Variants in TDRD9 observed in about 807,000 individuals in gnomAD.
TDRD9 encodes the protein ATP-dependent RNA helicase TDRD9.
TDRD9 carries 124 observed loss-of-function variants against 172.6 expected under a neutral mutation model. The observed-to-expected ratio is 0.72, with a 90% CI of 0.62 to 0.83. The LOEUF is 0.83. Among genes scored for constraint, TDRD9 ranks in the 40% least tolerant of loss-of-function variants. TDRD9 has a pLI of 0.00. For synonymous variants in TDRD9, 619 were observed against 617.1 expected (o/e 1.00, Z -0.05); for missense variants, 1,479 against 1,714.1 (o/e 0.86, Z 2.42).
At position 103,941,783 on chromosome 14, in the gene TDRD9, TG is replaced by T. The variant is rs2031252474; in HGVS notation, c.215+13060del. 3 of 1,137,568 alleles carry T rather than the reference TG, an allele frequency of 2.6e-6. No individual in the cohort carries two copies. The African/African-American group carries it at 4.7e-5, about 18-fold the overall frequency. The allele number at this position is 1,137,568 out of a possible 1,614,324, so 70.5% of individuals were successfully genotyped here. On this transcript the variant is annotated intron_variant, in intron 1 of 35. Coordinates refer to ENST00000409874, the MANE Select transcript of TDRD9 (RefSeq NM_153046.3). ...AATATTTGTTTCTTTACAATAAATT[TG>T]CCCGAAAAGTGCACGATTTTTTTTC...
At chr14:104,047,391 A>G (rs991008810) in intron 34 of TDRD9, among the ~76,000 whole-genome samples, 18 of 152,148 alleles carry the variant, frequency 1.2e-4, no homozygotes, top group African/African-American at 4.1e-4. Flanking sequence ...GATTTCCTAC[A>G]TACAAGATCA....
At position 104,040,338 on chromosome 14, in the gene TDRD9, A is replaced by G. The variant is rs1415878399; in HGVS notation, c.3855+4A>G. ...CAGCGTGGAGGATGTCGTCGAGGTA[A>G]GGGTAGTGCAGCATCACGGCACCAC... On this transcript the variant is annotated splice_donor_region_variant and intron_variant, in intron 33 of 35. Transcript: ENST00000409874. The G allele has an allele frequency of 1.3e-6, 2 of 1,544,332 alleles. No homozygotes were observed. Among genetic ancestry groups the G allele is most frequent in the Non-Finnish European group, 1.8e-6 (2 of 1,142,458 alleles).
At chr14:103,960,277 T>C (rs1468258253) in intron 2 of TDRD9, among the ~76,000 whole-genome samples, 1 of 152,224 alleles carries the variant, frequency 6.6e-6, no homozygotes, top group African/African-American at 2.4e-5. Context: ...ATTCCTTACA[T>C]GCTGTTTAGA....
At chr14:104,031,315 T>C in intron 29 of TDRD9, 52 bp downstream of exon 29, 2 of 1,490,388 alleles carry the variant, frequency 1.3e-6, no homozygotes, top group East Asian at 4.9e-5. Context: ...TCATTTTACA[T>C]TTATGTGCTA....
intron 34 of TDRD9, among the ~76,000 whole-genome samples, chr14:104,045,538 G>A (rs2035746628): frequency 6.6e-6 from 1 of 152,070 alleles, no homozygotes; most frequent in African/African-American, 2.4e-5. Flanking sequence ...TTTCACCATT[G>A]TGTAGCTTGT....
chr14:104,042,324 C>A (rs958225326), intron 34 of TDRD9, 137 bp downstream of exon 34: 2 of 634,250 alleles, frequency 3.2e-6, no homozygotes, highest in African/African-American at 1.8e-5. Flanking sequence ...GGAGGCAGCA[C>A]TGGGAGGCAT....
At chr14:103,955,138 G>T (rs2032133975) in intron 1 of TDRD9, among the ~76,000 whole-genome samples, 1 of 151,514 alleles carries the variant, frequency 6.6e-6, no homozygotes, top group Non-Finnish European at 1.5e-5. Flanking sequence ...TGCCCAGGCT[G>T]GTCTCGAACT....
chr14:103,960,191 T>G (rs1329478029), intron 2 of TDRD9, among the ~76,000 whole-genome samples: 1 of 152,238 alleles, frequency 6.6e-6, no homozygotes, highest in Non-Finnish European at 1.5e-5. Flanking sequence ...TAAAATTATT[T>G]TCTGTAATAT....
intron 25 of TDRD9, 145 bp downstream of exon 25, chr14:104,024,825 G>A (rs1262436807): frequency 2.3e-6 from 1 of 439,866 alleles, no homozygotes; most frequent in Non-Finnish European, 4.0e-6. Flanking sequence ...GTTAATGTGG[G>A]TGAGTTTGAA....
intron 1 of TDRD9, among the ~76,000 whole-genome samples, chr14:103,944,969 G>C (rs1484291483): frequency 6.6e-6 from 1 of 152,098 alleles, no homozygotes; most frequent in East Asian, 1.9e-4. Flanking sequence ...TGTCTGCCAG[G>C]GCCTGAATAG....
chr14:103,970,721 G>C, intron 6 of TDRD9, 100 bp downstream of exon 6: 1 of 878,446 alleles, frequency 1.1e-6, no homozygotes, highest in Non-Finnish European at 1.7e-6. Context: ...GAGCATTCTG[G>C]GACCCCGGAC....
At chr14:103,984,222 A>C (rs947898230) in intron 7 of TDRD9, among the ~76,000 whole-genome samples, 1 of 152,380 alleles carries the variant, frequency 6.6e-6, no homozygotes, top group Non-Finnish European at 1.5e-5. Flanking sequence ...AGTTCAAGTC[A>C]GCTGCATAAA....
intron 1 of TDRD9, among the ~76,000 whole-genome samples, chr14:103,933,128 T>G (rs2030513988): frequency 6.6e-6 from 1 of 152,242 alleles, no homozygotes; most frequent in Admixed American, 6.5e-5. Flanking sequence ...TTCCACATGG[T>G]ACTGTATTTT....
rs182617360 is a variant in TDRD9, at chr14:103,952,897, G to A, written c.216-2767G>A. On this transcript the variant is annotated intron_variant, in intron 1 of 35. Transcript: ENST00000409874. Reference sequence around the variant, plus strand: ...TGGGATTACAGGTGCTCGCCACCACGTTGGGCTAAATTTTGTATTTTTAGT... The same window carrying A: ...TGGGATTACAGGTGCTCGCCACCACATTGGGCTAAATTTTGTATTTTTAGT... Among the ~76,000 whole-genome samples the A allele has an allele frequency of 5.1e-4, 78 of 151,560 alleles. No individual in the cohort carries two copies. The East Asian group carries it at 0.015, about 28-fold the overall frequency.
intron 13 of TDRD9, among the ~76,000 whole-genome samples, chr14:103,999,642 G>GTCATTTAATCTTTTAATGTTCCT (rs2034185928): frequency 7.9e-6 from 1 of 125,956 alleles, no homozygotes; most frequent in African/African-American, 3.1e-5. Context: ...TTGTTTTTTA[G>GTCATTTAATCTTTTAATGTTCCT]AAAACCTTTT....
intron 28 of TDRD9, among the ~76,000 whole-genome samples, chr14:104,029,926 G>C (rs993013445): frequency 1.3e-5 from 2 of 152,130 alleles, no homozygotes; most frequent in African/African-American, 4.8e-5. Flanking sequence ...TGCATCTGTT[G>C]AGATGATCAG....
chr14:103,943,020 C>T (rs758202908), intron 1 of TDRD9, among the ~76,000 whole-genome samples: 7 of 150,052 alleles, frequency 4.7e-5, no homozygotes, highest in Middle Eastern at 3.2e-3. Flanking sequence ...TATAATTCAT[C>T]GTAGAAAAAT....
At chr14:104,011,262 T>C (rs926775238) in intron 20 of TDRD9, among the ~76,000 whole-genome samples, 1 of 152,166 alleles carries the variant, frequency 6.6e-6, no homozygotes, top group Non-Finnish European at 1.5e-5. Flanking sequence ...AAAACATTGC[T>C]CGGTTCTGAT....
chr14:103,953,855 T>A (rs1376508840), intron 1 of TDRD9, among the ~76,000 whole-genome samples: 2 of 152,172 alleles, frequency 1.3e-5, no homozygotes, highest in Non-Finnish European at 2.9e-5. Flanking sequence ...GTGGACTCGG[T>A]AATGCCCATC....
Sources: allele counts gnomAD v4.1 joint callset (sites outside exome capture counted in the v4.1 genomes callset), GRCh38; gene constraint gnomAD v4.1.1; transcripts MANE v1.5; gene names NCBI Gene and HGNC (gene_info 2026-07-23, HGNC 2026-07-21).